The following DDI2 variants were observed in gnomAD, a reference collection of about 807,000 sequenced individuals.
DDI2 encodes DDI proteasomal shuttling factor 2.
Under a neutral mutation model 48.1 loss-of-function variants are expected in DDI2, and 5 were observed. The observed-to-expected ratio is 0.10, with a 90% CI of 0.05 to 0.22. The LOEUF is 0.22. Ranked by LOEUF, DDI2 falls within the 10% of genes least tolerant of loss-of-function variation. The probability of loss-of-function intolerance (pLI) is 1.00; values close to 1 mark genes in which losing one functional copy is unlikely to be tolerated. For synonymous variants in DDI2, 205 were observed against 183.6 expected (o/e 1.12, Z -0.94); for missense variants, 285 against 506.2 (o/e 0.56, Z 4.19).
In DDI2 at chr1:15,660,085, T is replaced by C. The variant is rs747149779; in HGVS notation, c.*295T>C. Reference sequence around the variant, plus strand: ...AAACTCTGAAAAGAAAGAACATCTTTCTTTACAAGATCTTTCTGATCATGC... The same window carrying C: ...AAACTCTGAAAAGAAAGAACATCTTCCTTTACAAGATCTTTCTGATCATGC... On this transcript the variant is annotated 3_prime_UTR_variant, in exon 10 of 10. Coordinates refer to ENST00000480945, the MANE Select transcript of DDI2 (RefSeq NM_032341.5). 42 of 1,613,886 alleles carry C rather than the reference T, an allele frequency of 2.6e-5. No homozygotes were observed. The highest frequency in any genetic ancestry group is 3.4e-5 in the Non-Finnish European group (40 of 1,179,960).
At chr1:15,652,922 T>C (rs1398423180) in intron 8 of DDI2, among the ~76,000 whole-genome samples, 1 of 151,790 alleles carries the variant, frequency 6.6e-6, no homozygotes, top group African/African-American at 2.4e-5. Context: ...GGAGAATTGC[T>C]TGAACTTGGG....
chr1:15,631,967 G>A (rs1452055051), intron 3 of DDI2, among the ~76,000 whole-genome samples: 3 of 151,762 alleles, frequency 2.0e-5, no homozygotes, highest in African/African-American at 4.8e-5. Flanking sequence ...CACCACACCC[G>A]GCTAATTTTT....
rs187210845 is a variant in DDI2 at position 15,664,904 on chromosome 1, C to T, written c.*5114C>T. The T allele has an allele frequency of 1.4e-4, 21 of 152,340 alleles. 1 individual carries two copies. Among genetic ancestry groups the T allele is most frequent in the Admixed American group, 1.4e-3 (21 of 15,292 alleles). 9.4% of individuals were successfully genotyped at this position (152,340 alleles called of 1,614,324 possible). ...AGAATTATTTCCACTCATACCTGTT[C>T]AGGGCTCCAGACAGCCAATAGCCTT... On this transcript the variant is annotated 3_prime_UTR_variant, in exon 10 of 10. Coordinates refer to ENST00000480945, the MANE Select transcript of DDI2 (RefSeq NM_032341.5).
chr1:15,638,529 A>ATTT, intron 5 of DDI2, 95 bp downstream of exon 5: 5 of 788,070 alleles, frequency 6.3e-6, no homozygotes, highest in South Asian at 2.8e-5. Context: ...AGATGGCTGT[A>ATTT]CTTTTTTTTT....
chr1:15,621,577 G>T (rs1639665489), intron 1 of DDI2, among the ~76,000 whole-genome samples: 2 of 152,136 alleles, frequency 1.3e-5, no homozygotes, highest in African/African-American at 4.8e-5. Context: ...TGGAGATGGG[G>T]GTTTCACTGT....
At position 15,661,711 on chromosome 1, in the gene DDI2, G is replaced by C. The variant is rs759542217; in HGVS notation, c.*1921G>C. 1 of 1,609,346 alleles carries C rather than the reference G, an allele frequency of 6.2e-7. No homozygotes were observed. The highest frequency in any genetic ancestry group is 8.5e-7 in the Non-Finnish European group (1 of 1,176,988). Reference sequence around the variant, plus strand: ...TGTTTTGCTCGCAAAAAACATCGTAGTTCCTACATGACTGTGGGAAAGTGG... The same window carrying C: ...TGTTTTGCTCGCAAAAAACATCGTACTTCCTACATGACTGTGGGAAAGTGG... On this transcript the variant is annotated 3_prime_UTR_variant, in exon 10 of 10. Transcript: ENST00000480945.
At chr1:15,633,758 T>C (rs535791063) in intron 4 of DDI2, 193 bp downstream of exon 4, 28 of 755,964 alleles carry the variant, frequency 3.7e-5, no homozygotes, top group African/African-American at 3.1e-4. Context: ...GACAAAGATA[T>C]AGGTGCTTAG....
chr1:15,630,327 T>C lies in DDI2; in HGVS notation c.271T>C (p.Leu91=). 1 of 1,614,158 alleles carries C rather than the reference T, an allele frequency of 6.2e-7. No homozygotes were observed. The highest frequency in any genetic ancestry group is 8.5e-7 in the Non-Finnish European group (1 of 1,180,008). The change falls in exon 3 of 10, where the codon TTA becomes CTA. Residue 91 remains leucine (L), a splice_region_variant and synonymous_variant. Coordinates refer to ENST00000480945, the MANE Select transcript of DDI2 (RefSeq NM_032341.5). ...DPRPPVQFPN[L]PRIDFSSIAV... ...ACTGAATTGATTTTCCCCAACAGACTTACCCCGAATAGATTTCAGTAGTAT... is the reference window on the plus strand; with the variant it reads ...ACTGAATTGATTTTCCCCAACAGACCTACCCCGAATAGATTTCAGTAGTAT...
Position 15,661,128 on chromosome 1 carries a change from A to G in DDI2, c.*1338A>G. The G allele has an allele frequency of 6.2e-7, 1 of 1,614,050 alleles. No individual in the cohort carries two copies. The highest frequency in any genetic ancestry group is 8.5e-7 in the Non-Finnish European group (1 of 1,179,978). ...CACAAGTCTCCTTTCATCAGGCCAT[A>G]TCTGTATCAGTGGAGACAGAAAAAT... is the stretch of plus-strand genomic sequence containing the variant. On this transcript the variant is annotated 3_prime_UTR_variant, in exon 10 of 10. Transcript: ENST00000480945.
chr1:15,619,772 T>G (rs1639628474), intron 1 of DDI2, among the ~76,000 whole-genome samples: 1 of 152,178 alleles, frequency 6.6e-6, no homozygotes, highest in South Asian at 2.1e-4. Context: ...TTCAATTGTT[T>G]TTTCCTCTAG....
At chr1:15,653,614 C>G (rs143934534) in intron 8 of DDI2, among the ~76,000 whole-genome samples, 3 of 152,064 alleles carry the variant, frequency 2.0e-5, no homozygotes, top group African/African-American at 7.2e-5. Flanking sequence ...CTCCCATCTC[C>G]CCTTCCTGAC....
In DDI2 at chr1:15,643,535, T is replaced by C. The variant is rs1640042057; in HGVS notation, c.774T>C (p.Thr258=). Residue 258 remains threonine, a synonymous_variant, in exon 6 of 10, where the codon ACT becomes ACC. Coordinates refer to ENST00000480945, the MANE Select transcript of DDI2 (RefSeq NM_032341.5). ...CTACTCCTCCAGGTGCCCAGATGAC[T>C]ATCATGAGCCAAGCTTGTGCAGAAA... ...KAFVDSGAQM[T]IMSQACAERC... 2 of 1,613,126 alleles carry C rather than the reference T, an allele frequency of 1.2e-6. No homozygotes were observed. The highest frequency in any genetic ancestry group is 1.3e-5 in the African/African-American group (1 of 75,008).
chr1:15,652,058 CTTTTTTTTTTT>C (rs772990709), intron 8 of DDI2, among the ~76,000 whole-genome samples, 163 bp downstream of exon 8: 3 of 75,978 alleles, frequency 3.9e-5, no homozygotes, highest in South Asian at 4.7e-4. Flanking sequence ...TTTGATCTTC[CTTTTTTTTTTT>C]TTTTTTTTTT....
chr1:15,630,988 C>T (rs1484366974), intron 3 of DDI2, among the ~76,000 whole-genome samples: 1 of 152,138 alleles, frequency 6.6e-6, no homozygotes, highest in Non-Finnish European at 1.5e-5. Flanking sequence ...GGACTACAGG[C>T]GCATGCTGCC....
intron 8 of DDI2, among the ~76,000 whole-genome samples, chr1:15,653,356 G>A (rs1207343767): frequency 6.6e-6 from 1 of 151,556 alleles, no homozygotes; most frequent in Non-Finnish European, 1.5e-5. Context: ...GCTCACTGCA[G>A]CCTCAGTCTC....
At chr1:15,647,935 G>C (rs905697996) in intron 6 of DDI2, among the ~76,000 whole-genome samples, 5 of 152,172 alleles carry the variant, frequency 3.3e-5, no homozygotes, top group Admixed American at 2.6e-4. Flanking sequence ...GTGTACTTCA[G>C]CCTGGGCAAT....
Position 15,661,279 on chromosome 1 carries a change from C to A in DDI2, c.*1489C>A, listed in dbSNP as rs1416491452. On this transcript the variant is annotated 3_prime_UTR_variant, in exon 10 of 10. Transcript: ENST00000480945. The stretch of plus-strand genomic sequence containing the variant: ...ATCTAGGGAATCCATAAATAAGAAC[C>A]GTTCTGTCACTGTAACCTCAGCTAA... 1.2e-6 allele frequency: 2 copies of A among 1,614,056 alleles called. No individual in the cohort carries two copies. The highest frequency in any genetic ancestry group is 1.7e-6 in the Non-Finnish European group (2 of 1,179,992).
chr1:15,629,551 C>T (rs1328804711), intron 2 of DDI2, among the ~76,000 whole-genome samples: 7 of 148,296 alleles, frequency 4.7e-5, no homozygotes, highest in African/African-American at 1.0e-4. Flanking sequence ...GAGGCAAGAT[C>T]GTGCCATTGC....
chr1:15,660,700 T>C lies in DDI2; in HGVS notation c.*910T>C. The C allele has an allele frequency of 1.2e-6, 2 of 1,614,168 alleles. No individual in the cohort carries two copies. The highest frequency in any genetic ancestry group is 1.7e-6 in the Non-Finnish European group (2 of 1,180,030). ...TGCCAATGTCAAGAACATTGGTGCA[T>C]TGGATCTCACTTTAGATAATCCCTT... On this transcript the variant is annotated 3_prime_UTR_variant, in exon 10 of 10. Coordinates refer to ENST00000480945, the MANE Select transcript of DDI2 (RefSeq NM_032341.5).
Sources: gnomAD v4.1 joint callset for allele counts (sites outside exome capture counted in the v4.1 genomes callset) on GRCh38, gnomAD v4.1.1 for gene constraint, MANE v1.5 for transcripts, NCBI Gene and HGNC (gene_info 2026-07-23, HGNC 2026-07-21) for gene names.